ERI3: variants seen among roughly 807,000 people sequenced by gnomAD.
ERI3 encodes ERI1 exoribonuclease family member 3, also known as ERI1 exoribonuclease 3.
Under a neutral mutation model 44.4 loss-of-function variants are expected in ERI3, and 18 were observed. The ratio of observed to expected loss-of-function variants is 0.41; its 90% CI spans 0.28 to 0.60. The LOEUF is 0.60. Ranked by LOEUF, ERI3 falls within the 20% of genes least tolerant of loss-of-function variation. The pLI, the probability that ERI3 is intolerant of heterozygous loss-of-function variation, is 0.36. For missense variants in ERI3, 294 were observed against 435.5 expected (o/e 0.68, Z 2.89); for synonymous variants, 183 against 164.8 (o/e 1.11, Z -0.84).
intron 7 of ERI3, chr1:44,284,085 T>C: frequency 2.1e-6 from 1 of 470,846 alleles, no homozygotes; most frequent in Non-Finnish European, 4.4e-6. Context: ...GTCAGAATGA[T>C]TTATGGGGGT....
intron 3 of ERI3, among the ~76,000 whole-genome samples, chr1:44,333,077 C>G (rs965580279): frequency 1.1e-4 from 16 of 152,202 alleles, no homozygotes; most frequent in African/African-American, 3.9e-4. Flanking sequence ...TTACAGCTCA[C>G]ACAGTCATCA....
At chr1:44,322,829 C>A in intron 3 of ERI3, 1 of 1,549,846 alleles carries the variant, frequency 6.5e-7, no homozygotes, top group African/African-American at 1.4e-5. Flanking sequence ...ACCAAGTTGG[C>A]ACAACTCTGC....
chr1:44,280,032 T>C (rs751347650), intron 7 of ERI3, among the ~76,000 whole-genome samples: 1 of 152,214 alleles, frequency 6.6e-6, no homozygotes, highest in Non-Finnish European at 1.5e-5. Flanking sequence ...CCACATGTTA[T>C]GGACCACATT....
chr1:44,254,414 G>A (rs932287678), intron 7 of ERI3, among the ~76,000 whole-genome samples: 2 of 152,016 alleles, frequency 1.3e-5, no homozygotes, highest in East Asian at 3.9e-4. Context: ...CCCCTAGTCT[G>A]TCTATCCCCT....
At chr1:44,238,251 C>T (rs939834466) in intron 8 of ERI3, among the ~76,000 whole-genome samples, 2 of 151,930 alleles carry the variant, frequency 1.3e-5, no homozygotes, top group South Asian at 2.1e-4. Context: ...GGGGCGGGGG[C>T]GTGTGCAGGC....
At chr1:44,271,763 A>G (rs906703106) in intron 7 of ERI3, among the ~76,000 whole-genome samples, 1 of 152,260 alleles carries the variant, frequency 6.6e-6, no homozygotes, top group East Asian at 1.9e-4. Flanking sequence ...GTCCAAGATC[A>G]TAACACAGGT....
intron 6 of ERI3, among the ~76,000 whole-genome samples, chr1:44,290,340 G>C (rs1242119170): frequency 6.6e-6 from 1 of 152,216 alleles, no homozygotes; most frequent in Non-Finnish European, 1.5e-5. Context: ...AGAGAAGTGG[G>C]CCAGTAGAAG....
Position 44,319,670 on chromosome 1 carries a change from G to C in ERI3, c.564C>G (p.Val188=). ...MEIESTFHMY[V]QPVVHPQLTP... Reference sequence around the variant, plus strand: ...TAAGCTGTGGATGGACTACAGGCTGGACATACATGTGAAAGGTAGACTCAA... The same window carrying C: ...TAAGCTGTGGATGGACTACAGGCTGCACATACATGTGAAAGGTAGACTCAA... Residue 188 remains valine, a synonymous_variant, in exon 4 of 9, where the codon GTC becomes GTG. Coordinates refer to ENST00000372257, the MANE Select transcript of ERI3 (RefSeq NM_024066.3). 1 of 1,614,132 alleles carries C rather than the reference G, an allele frequency of 6.2e-7. No individual in the cohort carries two copies. The highest frequency in any genetic ancestry group is 8.5e-7 in the Non-Finnish European group (1 of 1,179,992).
chr1:44,313,685 C>T (rs1340643922), intron 4 of ERI3, among the ~76,000 whole-genome samples: 1 of 152,064 alleles, frequency 6.6e-6, no homozygotes, highest in Non-Finnish European at 1.5e-5. Flanking sequence ...GGTTTCAAGT[C>T]CACCCCTTCT....
Position 44,339,102 on chromosome 1 carries a change from G to C in ERI3, c.432C>G (p.His144Gln), listed in dbSNP as rs1646594678. Residue 144 changes from histidine to glutamine, a missense_variant, in exon 3 of 9, where the codon CAC becomes CAG. His to Gln is a conservative substitution (Grantham distance 24). Transcript: ENST00000372257. ...CCTCAAAGTCCAGCACTAAAAAGTA[G>C]TGATACCTCTGGGGAGGGAAGGACA... ...AMVSFPPQRY[H>Q]YFLVLDFEAT... 1 of 1,613,894 alleles carries C rather than the reference G, an allele frequency of 6.2e-7. No individual in the cohort carries two copies. The highest frequency in any genetic ancestry group is 1.7e-5 in the Admixed American group (1 of 59,992).
At chr1:44,263,045 AAG>A (rs111770215) in intron 7 of ERI3, among the ~76,000 whole-genome samples, 110 of 152,328 alleles carry the variant, frequency 7.2e-4, no homozygotes, top group African/African-American at 2.6e-3. Flanking sequence ...GGCCAAGTAA[AAG>A]AGCAAACCAC....
intron 8 of ERI3, among the ~76,000 whole-genome samples, chr1:44,232,251 G>A (rs573728512): frequency 6.6e-6 from 1 of 152,240 alleles, no homozygotes; most frequent in Admixed American, 6.5e-5. Flanking sequence ...GAATAAAGGA[G>A]GCAGGCCGAA....
At chr1:44,240,733 AT>A (rs1334706457) in intron 8 of ERI3, among the ~76,000 whole-genome samples, 2 of 152,138 alleles carry the variant, frequency 1.3e-5, no homozygotes, top group Non-Finnish European at 2.9e-5. Flanking sequence ...GACCAAACAA[AT>A]TCCCCTCTCT....
chr1:44,348,514 C>T (rs1646829028), intron 2 of ERI3, among the ~76,000 whole-genome samples: 2 of 152,198 alleles, frequency 1.3e-5, no homozygotes, highest in South Asian at 4.1e-4. Context: ...AGCTGTGGGG[C>T]ACAAGGCACA....
intron 7 of ERI3, among the ~76,000 whole-genome samples, chr1:44,271,600 G>A (rs1645088740): frequency 6.6e-6 from 1 of 152,158 alleles, no homozygotes; most frequent in South Asian, 2.1e-4. Flanking sequence ...CTGTACAATG[G>A]CTAATAATAG....
intron 6 of ERI3, among the ~76,000 whole-genome samples, chr1:44,293,010 G>A (rs1449606045): frequency 1.3e-5 from 2 of 152,232 alleles, no homozygotes; most frequent in South Asian, 2.1e-4. Context: ...GACAGCGAGC[G>A]CCTCTGTCGC....
chr1:44,342,811 T>TAATATATATATATATATATATATA (rs1646683011), intron 2 of ERI3, among the ~76,000 whole-genome samples: 1 of 70,870 alleles, frequency 1.4e-5, no homozygotes, highest in African/African-American at 5.5e-5. Context: ...CACATCCAGC[T>TAATATATATATATATATATATATA]AATATATATA....
chr1:44,354,952 G>GT lies in ERI3; in HGVS notation c.74_75insA (p.Ala26ArgfsTer127), dbSNP rs774214477. 7.5e-7 allele frequency: 1 copy of GT among 1,340,828 alleles called. No individual in the cohort carries two copies. The highest frequency in any genetic ancestry group is 9.6e-7 in the Non-Finnish European group (1 of 1,038,544). 83.1% of individuals were successfully genotyped at this position (1,340,828 alleles called of 1,614,324 possible). ...TCCAGGGGAGAGTAAGGGGAGGGGC[G>GT]GGGGGCCAGGAGACCAGCCCTCCTT... On this transcript the variant is annotated frameshift_variant, in exon 1 of 9. Transcript: ENST00000372257. LOFTEE classifies it high-confidence loss of function.
chr1:44,319,539 A>T (rs1006547255), intron 4 of ERI3, 89 bp downstream of exon 4: 4 of 834,080 alleles, frequency 4.8e-6, no homozygotes, highest in Non-Finnish European at 8.0e-6. Context: ...GATAAGCCCT[A>T]TGCTTTCTCT....
Sources: gnomAD v4.1 joint callset for allele counts (sites outside exome capture counted in the v4.1 genomes callset) on GRCh38, gnomAD v4.1.1 for gene constraint, MANE v1.5 for transcripts, NCBI Gene and HGNC (gene_info 2026-07-23, HGNC 2026-07-21) for gene names.